Variants in ZNF609 observed in about 807,000 individuals in gnomAD.
ZNF609 encodes zinc finger protein 609.
A neutral mutation model predicts 109.5 loss-of-function variants in ZNF609; 11 were observed. That is an observed-to-expected ratio of 0.10 (90% CI 0.06 to 0.17). ZNF609 has a LOEUF of 0.17. Ranked by LOEUF, ZNF609 falls within the 10% of genes least tolerant of loss-of-function variation. The pLI, the probability that ZNF609 is intolerant of heterozygous loss-of-function variation, is 1.00. For missense variants in ZNF609, 1,559 were observed against 1,772.4 expected (o/e 0.88, Z 2.16); for synonymous variants, 646 against 662.0 (o/e 0.98, Z 0.37).
At chr15:64,599,168 G>GTTTTTTTTT (rs556122154) in intron 2 of ZNF609, among the ~76,000 whole-genome samples, 85 of 46,494 alleles carry the variant, frequency 1.8e-3, no homozygotes, top group East Asian at 3.3e-3. Flanking sequence ...TTTTGTGGTG[G>GTTTTTTTTT]TTTTTTTTTT....
intron 2 of ZNF609, among the ~76,000 whole-genome samples, chr15:64,520,994 G>A (rs1355318157): frequency 6.6e-6 from 1 of 152,106 alleles, no homozygotes; most frequent in African/African-American, 2.4e-5. Flanking sequence ...GAAAGTGTTC[G>A]CTTTTACTTT....
intron 2 of ZNF609, among the ~76,000 whole-genome samples, chr15:64,608,724 CGTGTGT>C (rs34519391): frequency 2.0e-5 from 3 of 148,466 alleles, no homozygotes; most frequent in South Asian, 4.3e-4. Context: ...TGCATGCATG[CGTGTGT>C]GTGTGTGTGT....
At chr15:64,504,635 AG>A (rs1031963010) in intron 2 of ZNF609, among the ~76,000 whole-genome samples, 1 of 144,272 alleles carries the variant, frequency 6.9e-6, no homozygotes, top group African/African-American at 2.6e-5. Flanking sequence ...ATGCCTGGCT[AG>A]TTTTTTTTTT....
At chr15:64,592,449 G>A (rs888185502) in intron 2 of ZNF609, among the ~76,000 whole-genome samples, 2 of 152,044 alleles carry the variant, frequency 1.3e-5, no homozygotes, top group East Asian at 1.9e-4. Context: ...CTGGTGGCAG[G>A]TGCCTGTAAT....
chr15:64,606,577 A>G (rs74369763), intron 2 of ZNF609, among the ~76,000 whole-genome samples: 3 of 132,740 alleles, frequency 2.3e-5, no homozygotes, highest in Non-Finnish European at 3.3e-5. Flanking sequence ...AAAAAAAAAA[A>G]CAGAAAAACT....
intron 3 of ZNF609, chr15:64,631,542 T>TA (rs1477947378): frequency 4.0e-5 from 20 of 501,774 alleles, no homozygotes; most frequent in Non-Finnish European, 7.4e-5. Context: ...CTTTTCTTTC[T>TA]TTTTTTTTAG....
chr15:64,599,168 G>GTTTTTTTTTTTTTTT (rs556122154), intron 2 of ZNF609, among the ~76,000 whole-genome samples: 2 of 46,494 alleles, frequency 4.3e-5, no homozygotes, highest in African/African-American at 7.7e-5. Context: ...TTTTGTGGTG[G>GTTTTTTTTTTTTTTT]TTTTTTTTTT....
At chr15:64,530,749 T>C (rs1894049029) in intron 2 of ZNF609, among the ~76,000 whole-genome samples, 1 of 152,218 alleles carries the variant, frequency 6.6e-6, no homozygotes, top group Non-Finnish European at 1.5e-5. Context: ...TTCAGTATAA[T>C]ATTCCCTGCT....
rs150431902 is a variant in ZNF609 at position 64,669,321 on chromosome 15, C to T, written c.974-1025C>T. Among the ~76,000 whole-genome samples, 11 of 152,242 alleles carry T rather than the reference C, an allele frequency of 7.2e-5. No homozygotes were observed. The East Asian group carries it at 9.6e-4, about 13-fold the overall frequency. On this transcript the variant is annotated intron_variant, in intron 3 of 9. Transcript: ENST00000326648. ...AGAAGATTGAAACAACCTAAATGTC[C>T]GTTCAAATGCTGCCATTGAAAAGAA...
intron 2 of ZNF609, among the ~76,000 whole-genome samples, chr15:64,531,476 C>T (rs977734371): frequency 1.3e-5 from 2 of 152,140 alleles, no homozygotes; most frequent in Non-Finnish European, 2.9e-5. Flanking sequence ...TGGCTCACTG[C>T]AACTTCCGCC....
chr15:64,681,059 C>T (rs540158201), intron 8 of ZNF609, among the ~76,000 whole-genome samples, 197 bp downstream of exon 8: 20 of 152,176 alleles, frequency 1.3e-4, no homozygotes, highest in African/African-American at 4.6e-4. Flanking sequence ...TTTATTCCTC[C>T]CTTGGAGTTT....
chr15:64,551,155 A>T (rs921330026), intron 2 of ZNF609, among the ~76,000 whole-genome samples: 10 of 152,040 alleles, frequency 6.6e-5, no homozygotes, highest in African/African-American at 2.4e-4. Context: ...TCCTAGGCTC[A>T]AGCAGTACTC....
intron 2 of ZNF609, among the ~76,000 whole-genome samples, chr15:64,590,911 G>A (rs1457653794): frequency 2.0e-5 from 3 of 152,072 alleles, no homozygotes; most frequent in South Asian, 2.1e-4. Flanking sequence ...AGAAAACTTT[G>A]TACATTTCTG....
At chr15:64,548,919 T>C (rs1414258441) in intron 2 of ZNF609, among the ~76,000 whole-genome samples, 1 of 152,190 alleles carries the variant, frequency 6.6e-6, no homozygotes, top group Non-Finnish European at 1.5e-5. Flanking sequence ...CAGAAATCTT[T>C]CTTCTGTTCA....
At chr15:64,579,850 G>T (rs1288151461) in intron 2 of ZNF609, among the ~76,000 whole-genome samples, 1 of 152,080 alleles carries the variant, frequency 6.6e-6, no homozygotes, top group African/African-American at 2.4e-5. Flanking sequence ...TCAGATATGA[G>T]AAAAAAGTTA....
intron 3 of ZNF609, among the ~76,000 whole-genome samples, chr15:64,638,179 T>C (rs1247844600): frequency 6.6e-6 from 1 of 151,796 alleles, no homozygotes. Flanking sequence ...CTTTCCCCCA[T>C]TGCACAGCAG....
intron 7 of ZNF609, 142 bp downstream of exon 7, chr15:64,680,502 T>C (rs899857940): frequency 3.2e-5 from 42 of 1,310,232 alleles, no homozygotes; most frequent in Non-Finnish European, 4.0e-5. Context: ...GGGCATCTTC[T>C]TTATTCTTAG....
intron 2 of ZNF609, among the ~76,000 whole-genome samples, chr15:64,563,052 A>G (rs1274725828): frequency 6.6e-6 from 1 of 151,930 alleles, no homozygotes. Flanking sequence ...GCTGAAGTGG[A>G]AAGATCACTT....
At chr15:64,545,926 T>A (rs1170100439) in intron 2 of ZNF609, among the ~76,000 whole-genome samples, 1 of 152,220 alleles carries the variant, frequency 6.6e-6, no homozygotes, top group African/African-American at 2.4e-5. Context: ...TTGGATCATT[T>A]CCAACTTCTG....
Sources: gnomAD v4.1 joint callset for allele counts (sites outside exome capture counted in the v4.1 genomes callset) on GRCh38, gnomAD v4.1.1 for gene constraint, MANE v1.5 for transcripts, NCBI Gene and HGNC (gene_info 2026-07-23, HGNC 2026-07-21) for gene names.